Variants in LDB2 observed in about 807,000 individuals in gnomAD.
LDB2 encodes the protein LIM domain binding 2.
Under a neutral mutation model 44.3 loss-of-function variants are expected in LDB2, and 12 were observed. That is an observed-to-expected ratio of 0.27 (90% confidence interval 0.17 to 0.44). The LOEUF (loss-of-function observed/expected upper bound fraction) is 0.44, where lower values mean the gene tolerates loss of function less well. Among genes scored for constraint, LDB2 ranks in the 20% least tolerant of loss-of-function variants. LDB2 has a pLI of 1.00. For synonymous variants in LDB2, 164 were observed against 174.8 expected (o/e 0.94, Z 0.49); for missense variants, 344 against 473.5 (o/e 0.73, Z 2.54).
chr4:16,817,348 T>C (rs1338499876), intron 1 of LDB2, among the ~76,000 whole-genome samples: 2 of 152,216 alleles, frequency 1.3e-5, no homozygotes, highest in African/African-American at 4.8e-5. Context: ...CTCAACCTCT[T>C]GTCCACCTCA....
intron 5 of LDB2, among the ~76,000 whole-genome samples, chr4:16,560,445 G>A (rs377620468): frequency 2.0e-5 from 3 of 152,104 alleles, no homozygotes; most frequent in Admixed American, 6.6e-5. Context: ...ACACCTCTAC[G>A]CAAATAAACT....
intron 1 of LDB2, among the ~76,000 whole-genome samples, chr4:16,892,431 T>C (rs1449970984): frequency 6.6e-6 from 1 of 152,214 alleles, no homozygotes; most frequent in African/African-American, 2.4e-5. Context: ...TAGGCTCATA[T>C]TGATTTTTAA....
At chr4:16,644,455 C>G (rs1164704172) in intron 2 of LDB2, among the ~76,000 whole-genome samples, 1 of 139,390 alleles carries the variant, frequency 7.2e-6, no homozygotes, top group Non-Finnish European at 1.5e-5. Flanking sequence ...GAGATGGAGT[C>G]TCACTCTTAT....
At chr4:16,840,794 C>T (rs907833219) in intron 1 of LDB2, among the ~76,000 whole-genome samples, 1 of 152,196 alleles carries the variant, frequency 6.6e-6, no homozygotes, top group Non-Finnish European at 1.5e-5. Flanking sequence ...AAAACTATAG[C>T]TCTCAATATG....
At chr4:16,520,421 T>C (rs972351876) in intron 5 of LDB2, among the ~76,000 whole-genome samples, 1 of 152,172 alleles carries the variant, frequency 6.6e-6, no homozygotes, top group African/African-American at 2.4e-5. Context: ...GGAAACACTT[T>C]CCCTTAGAAG....
At chr4:16,598,176 A>T (rs901934983) in intron 2 of LDB2, among the ~76,000 whole-genome samples, 12 of 152,136 alleles carry the variant, frequency 7.9e-5, no homozygotes, top group African/African-American at 2.4e-4. Context: ...TGGCCCTGTG[A>T]TCTGCTGTAA....
chr4:16,614,590 A>AC (rs1726650018), intron 2 of LDB2, among the ~76,000 whole-genome samples: 2 of 151,158 alleles, frequency 1.3e-5, no homozygotes, highest in Admixed American at 6.6e-5. Flanking sequence ...CAAAAAAAAA[A>AC]AAAAAAAAAA....
At chr4:16,642,159 A>G (rs1735367605) in intron 2 of LDB2, among the ~76,000 whole-genome samples, 1 of 152,196 alleles carries the variant, frequency 6.6e-6, no homozygotes, top group South Asian at 2.1e-4. Context: ...AAATTGCCTC[A>G]GAAAGCCAAG....
At chr4:16,828,837 TAGAG>T (rs1177828144) in intron 1 of LDB2, among the ~76,000 whole-genome samples, 1 of 152,170 alleles carries the variant, frequency 6.6e-6, no homozygotes, top group Non-Finnish European at 1.5e-5. Flanking sequence ...GGTAATTGAA[TAGAG>T]AAATACTCCT....
chr4:16,642,326 G>A (rs2152511559), intron 2 of LDB2, among the ~76,000 whole-genome samples: 1 of 152,112 alleles, frequency 6.6e-6, no homozygotes, highest in Middle Eastern at 3.4e-3. Flanking sequence ...ACAGGAAAAG[G>A]AAATGTTAAG....
intron 2 of LDB2, among the ~76,000 whole-genome samples, chr4:16,633,632 A>C (rs1732678703): frequency 6.6e-6 from 1 of 152,196 alleles, no homozygotes; most frequent in Non-Finnish European, 1.5e-5. Flanking sequence ...CAAATGGAAA[A>C]ACATTCCATG....
chr4:16,623,477 A>G (rs1002908760), intron 2 of LDB2, among the ~76,000 whole-genome samples: 1 of 152,058 alleles, frequency 6.6e-6, no homozygotes, highest in Non-Finnish European at 1.5e-5. Flanking sequence ...CACACCGGTA[A>G]TCCCAGCTAC....
intron 1 of LDB2, among the ~76,000 whole-genome samples, chr4:16,795,093 C>G (rs1776481655): frequency 6.6e-6 from 1 of 152,122 alleles, no homozygotes; most frequent in South Asian, 2.1e-4. Flanking sequence ...GATGGAGAGC[C>G]TGAGTTGAGG....
chr4:16,717,198 G>T (rs1390800), intron 2 of LDB2, among the ~76,000 whole-genome samples: 1 of 140,372 alleles, frequency 7.1e-6, no homozygotes, highest in African/African-American at 2.8e-5. Context: ...ATGATGATGA[G>T]GAGGACTACA....
chr4:16,734,688 C>T (rs1283563460), intron 2 of LDB2, among the ~76,000 whole-genome samples: 1 of 147,724 alleles, frequency 6.8e-6, no homozygotes, highest in Admixed American at 7.0e-5. Flanking sequence ...CTGCTGCTTC[C>T]CAACTTCTTG....
chr4:16,761,484 C>A (rs1379695932), intron 1 of LDB2, among the ~76,000 whole-genome samples: 3 of 152,182 alleles, frequency 2.0e-5, no homozygotes, highest in Admixed American at 6.5e-5. Context: ...CACAGTAAAG[C>A]AGTTGGTAAC....
chr4:16,598,880 T>TC lies in LDB2; in HGVS notation c.236-3006_236-3005insG, dbSNP rs766775757. Among the ~76,000 whole-genome samples, 1,046 of 147,430 alleles carry TC rather than the reference T, an allele frequency of 7.1e-3. 3 individuals carry two copies. Among genetic ancestry groups the TC allele is most frequent in the Non-Finnish European group, 0.011 (725 of 66,426 alleles). Reference sequence around the variant, plus strand: ...GCGCGCCTCCTTTTCTTTCTTTCTTTTTTTTTTTTTTTTAAATTGGCTCAA... The same window carrying TC: ...GCGCGCCTCCTTTTCTTTCTTTCTTTCTTTTTTTTTTTTTAAATTGGCTCAA... On this transcript the variant is annotated intron_variant, in intron 2 of 7. Coordinates refer to ENST00000304523, the MANE Select transcript of LDB2 (RefSeq NM_001290.5).
intron 2 of LDB2, among the ~76,000 whole-genome samples, chr4:16,672,841 T>TTCCTTCCC (rs1745219126): frequency 6.6e-6 from 1 of 151,686 alleles, no homozygotes; most frequent in Non-Finnish European, 1.5e-5. Flanking sequence ...CTTTCCTTCC[T>TTCCTTCCC]TCCTTCCTTC....
chr4:16,826,114 A>G (rs977300743), intron 1 of LDB2, among the ~76,000 whole-genome samples: 1 of 117,480 alleles, frequency 8.5e-6, no homozygotes, highest in Non-Finnish European at 2.2e-5. Context: ...ATATTAATCT[A>G]TCTAATATGT....
Sources: allele counts gnomAD v4.1 joint callset (sites outside exome capture counted in the v4.1 genomes callset), GRCh38; gene constraint gnomAD v4.1.1; transcripts MANE v1.5; gene names NCBI Gene and HGNC (gene_info 2026-07-23, HGNC 2026-07-21).